Variants in PRSS3 observed in about 807,000 individuals in gnomAD.
PRSS3 encodes the protein trypsin-3.
In PRSS3, 14 loss-of-function variants were observed where a neutral mutation model predicts 20.8. The ratio of observed to expected loss-of-function variants is 0.67; its 90% CI spans 0.44 to 1.05. The LOEUF (loss-of-function observed/expected upper bound fraction) is 1.05, where lower values mean the gene tolerates loss of function less well. PRSS3 is among the 50% of genes least tolerant of loss of function. The probability of loss-of-function intolerance (pLI) is 0.00; values close to 1 mark genes in which losing one functional copy is unlikely to be tolerated. For missense variants in PRSS3, 237 were observed against 306.4 expected (o/e 0.77, Z 1.69); for synonymous variants, 91 against 117.6 (o/e 0.77, Z 1.46).
chr9:33,760,745 C>CA (rs61678518), intron 1 of PRSS3, among the ~76,000 whole-genome samples: 10,442 of 101,346 alleles, frequency 0.1, 629 homozygotes, highest in African/African-American at 0.17. Context: ...GACTCTGTCA[C>CA]AAAAAAAAAA....
intron 1 of PRSS3, 51 bp from the exon 2 acceptor site, chr9:33,796,592 C>A (rs1587401654): frequency 1.2e-6 from 2 of 1,608,564 alleles, no homozygotes; most frequent in Non-Finnish European, 1.7e-6. Flanking sequence ...CTGGGAGCAC[C>A]ACCCCTAACA....
At chr9:33,776,669 T>C (rs1314901894) in intron 1 of PRSS3, among the ~76,000 whole-genome samples, 2 of 152,176 alleles carry the variant, frequency 1.3e-5, no homozygotes, top group Non-Finnish European at 2.9e-5. Context: ...AAAAAAGGAC[T>C]TCTTCAATCT....
chr9:33,793,060 T>C (rs949999495), upstream of PRSS3, among the ~76,000 whole-genome samples: 1 of 152,258 alleles, frequency 6.6e-6, no homozygotes, highest in African/African-American at 2.4e-5. Flanking sequence ...GTAAGGTCAT[T>C]CCTTTTTGAA....
rs544862050 is a variant in PRSS3, at chr9:33,776,129, G to A, written c.-52-18617G>A. ...GAATTAAATGGAAATTCTGGAGTTGGAAGGTACAGTTACCAAAATTAAGAA... is the reference window on the plus strand; with the variant it reads ...GAATTAAATGGAAATTCTGGAGTTGAAAGGTACAGTTACCAAAATTAAGAA... On this transcript the variant is annotated intron_variant, in intron 1 of 5. Coordinates refer to the PRSS3 transcript ENST00000342836. Among the ~76,000 whole-genome samples, 25 of 152,314 alleles carry A rather than the reference G, an allele frequency of 1.6e-4. 1 individual carries two copies. In the South Asian group the frequency reaches 5.0e-3, roughly 30 times the overall value.
intron 1 of PRSS3, among the ~76,000 whole-genome samples, chr9:33,776,658 G>GA (rs956115444): frequency 2.0e-5 from 3 of 151,928 alleles, no homozygotes; most frequent in African/African-American, 7.2e-5. Flanking sequence ...AATGGTGCTG[G>GA]AAAAAAGGAC....
intron 4 of PRSS3, 186 bp downstream of exon 4, chr9:33,798,808 C>A: frequency 1.8e-6 from 2 of 1,131,860 alleles, no homozygotes; most frequent in Non-Finnish European, 2.5e-6. Flanking sequence ...AGGAAGGTGG[C>A]GGGGCTGAGG....
intron 1 of PRSS3, among the ~76,000 whole-genome samples, chr9:33,761,707 A>AAAAAT (rs965303493): frequency 1.3e-4 from 19 of 151,898 alleles, no homozygotes; most frequent in African/African-American, 3.6e-4. Context: ...ACTCCGCCTC[A>AAAAAT]AAAATAAAAT....
chr9:33,764,592 G>C (rs2118834904), intron 1 of PRSS3, among the ~76,000 whole-genome samples: 1 of 152,256 alleles, frequency 6.6e-6, no homozygotes, highest in African/African-American at 2.4e-5. Flanking sequence ...ATTCTTAGAA[G>C]AAAACATAGA....
intron 1 of PRSS3, among the ~76,000 whole-genome samples, chr9:33,759,979 C>T (rs551640987): frequency 2.6e-5 from 4 of 152,206 alleles, no homozygotes; most frequent in African/African-American, 9.6e-5. Flanking sequence ...GCACTTTTTC[C>T]AAGAGGTGGA....
chr9:33,793,733 C>T (rs1210750759), upstream of PRSS3: 2 of 944,334 alleles, frequency 2.1e-6, no homozygotes, highest in Non-Finnish European at 1.3e-6. Flanking sequence ...GTGAGCTCTG[C>T]CAAGATCTGT....
rs1587399634 is a variant in PRSS3, at chr9:33,795,569, C to T, written c.-5C>T. 2 of 1,614,242 alleles carry T rather than the reference C, an allele frequency of 1.2e-6. No homozygotes were observed. The highest frequency in any genetic ancestry group is 1.3e-5 in the African/African-American group (1 of 75,066). Reference sequence around the variant, plus strand: ...TCCACCACCAGTCAGGCACACTCTACCACCATGAATCCATTCCTGATCCTT... The same window carrying T: ...TCCACCACCAGTCAGGCACACTCTATCACCATGAATCCATTCCTGATCCTT... On this transcript the variant is annotated 5_prime_UTR_variant, in exon 1 of 5. Transcript: ENST00000379405.
intron 1 of PRSS3, among the ~76,000 whole-genome samples, chr9:33,772,957 C>T (rs1269728070): frequency 2.0e-5 from 3 of 152,172 alleles, no homozygotes; most frequent in Non-Finnish European, 2.9e-5. Context: ...TCTTCTTTCA[C>T]CATTTCCTGC....
chr9:33,750,911 C>T lies in PRSS3; in HGVS notation c.-53+184C>T, dbSNP rs1343873073. 5 of 1,301,014 alleles carry T rather than the reference C, an allele frequency of 3.8e-6. No homozygotes were observed. The African/African-American group carries it at 7.8e-5, about 20-fold the overall frequency. 80.6% of individuals were successfully genotyped at this position (1,301,014 alleles called of 1,614,324 possible). A position where few individuals can be genotyped will look rare whatever the true frequency, so the allele number is the denominator to read the frequency against. ...GGGCTCAGGGACAGGGATGGAGGCT[C>T]CTCTAGGGGAGGACGGGAGGGGATG... is the stretch of plus-strand genomic sequence containing the variant. On this transcript the variant is annotated intron_variant, in intron 1 of 5. Transcript: ENST00000342836. The surrounding 1 kb of genome is among the most constrained non-coding windows in gnomAD (Gnocchi z 4.8).
upstream of PRSS3, among the ~76,000 whole-genome samples, chr9:33,791,039 G>A (rs1438200659): frequency 1.3e-5 from 2 of 152,170 alleles, no homozygotes. Context: ...TTAGTTGCGG[G>A]GAGGATAGGA....
At chr9:33,767,899 T>C (rs1172535054) in intron 1 of PRSS3, among the ~76,000 whole-genome samples, 1 of 152,108 alleles carries the variant, frequency 6.6e-6, no homozygotes, top group African/African-American at 2.4e-5. Flanking sequence ...AAAGCGGTCA[T>C]CTGCAAGCCC....
chr9:33,793,092 C>T (rs1319266980), upstream of PRSS3, among the ~76,000 whole-genome samples: 5 of 152,248 alleles, frequency 3.3e-5, no homozygotes, highest in Non-Finnish European at 5.9e-5. Context: ...TCAGACTATA[C>T]TGTGATCATT....
chr9:33,766,749 G>C (rs1169390933), intron 1 of PRSS3, among the ~76,000 whole-genome samples: 1 of 152,076 alleles, frequency 6.6e-6, no homozygotes, highest in Non-Finnish European at 1.5e-5. Context: ...ATTACTGATT[G>C]CCAGGGGCTG....
At chr9:33,798,748 G>A (rs1825168107) in intron 4 of PRSS3, 126 bp downstream of exon 4, 1 of 1,475,168 alleles carries the variant, frequency 6.8e-7, no homozygotes, top group Non-Finnish European at 9.3e-7. Context: ...GAGAAATGAG[G>A]AAGGTGGCGG....
chr9:33,785,109 T>C (rs1475210693), intron 1 of PRSS3, among the ~76,000 whole-genome samples: 1 of 148,844 alleles, frequency 6.7e-6, no homozygotes, highest in African/African-American at 2.5e-5. Flanking sequence ...AGCAGTTACA[T>C]GATACAAGAA....
Sources: allele counts gnomAD v4.1 joint callset (sites outside exome capture counted in the v4.1 genomes callset), GRCh38; gene constraint gnomAD v4.1.1; non-coding constraint Gnocchi (gnomAD v3.1); transcripts MANE v1.5; gene names NCBI Gene and HGNC (gene_info 2026-07-23, HGNC 2026-07-21).